The following POT1 variants were observed in gnomAD, a reference collection of about 807,000 sequenced individuals.
POT1 encodes the protein protection of telomeres protein 1.
A neutral mutation model predicts 78.5 loss-of-function variants in POT1; 47 were observed. That is an observed-to-expected ratio of 0.60 (90% CI 0.47 to 0.76). The LOEUF is 0.76. Among genes scored for constraint, POT1 ranks in the 30% least tolerant of loss-of-function variants. The pLI, the probability that POT1 is intolerant of heterozygous loss-of-function variation, is 0.00. For missense variants in POT1, 646 were observed against 749.9 expected (o/e 0.86, Z 1.62); for synonymous variants, 259 against 260.7 (o/e 0.99, Z 0.06).
intron 3 of POT1, among the ~76,000 whole-genome samples, chr7:124,905,655 G>C (rs1796747284): frequency 6.6e-6 from 1 of 152,072 alleles, no homozygotes; most frequent in African/African-American, 2.4e-5. Flanking sequence ...TTAAACTAAA[G>C]AGCTTCTGCA....
chr7:124,888,069 C>G (rs1011863753), intron 6 of POT1, among the ~76,000 whole-genome samples: 1 of 152,066 alleles, frequency 6.6e-6, no homozygotes, highest in Non-Finnish European at 1.5e-5. Context: ...GCCAGGAAAC[C>G]TTTCCCCTGT....
intron 12 of POT1, among the ~76,000 whole-genome samples, chr7:124,846,447 T>A (rs76654909): frequency 0.017 from 2,587 of 152,250 alleles, 70 homozygotes; most frequent in African/African-American, 0.059. Context: ...TTTTTTTTAA[T>A]CTTAGCTGAT....
At chr7:124,825,821 G>A (rs1794617677) in intron 17 of POT1, among the ~76,000 whole-genome samples, 1 of 152,120 alleles carries the variant, frequency 6.6e-6, no homozygotes, top group Non-Finnish European at 1.5e-5. Context: ...CTAGTACATA[G>A]CAGGTGCTCA....
chr7:124,897,233 A>T, intron 4 of POT1, 21 bp from the exon 5 acceptor site: 1 of 1,200,576 alleles, frequency 8.3e-7, no homozygotes, highest in Non-Finnish European at 1.2e-6. Context: ...AAAAGAAAGA[A>T]CTTATTTGTA....
At position 124,823,854 on chromosome 7, in the gene POT1, C is replaced by T. The variant is rs1317095432; in HGVS notation, c.*108G>A. ...TAAGGACATTTTCTAATCCCATACCCATGCTAACATCATCAACATTGCTGA... is the reference window on the plus strand; with the variant it reads ...TAAGGACATTTTCTAATCCCATACCTATGCTAACATCATCAACATTGCTGA... On this transcript the variant is annotated 3_prime_UTR_variant, in exon 19 of 19. Transcript: ENST00000357628. 1 of 717,700 alleles carries T rather than the reference C, an allele frequency of 1.4e-6. No individual in the cohort carries two copies. The highest frequency in any genetic ancestry group is 1.8e-5 in the African/African-American group (1 of 55,558). 44.5% of individuals were successfully genotyped at this position (717,700 alleles called of 1,614,324 possible).
chr7:124,842,827 A>G lies in POT1; in HGVS notation c.1143T>C (p.His381=). ...CTCACAGCAAATGACATTTAGGGCA[A>G]TGAAGTTTAACAGACTGAAATAGTC... is the stretch of plus-strand genomic sequence containing the variant. ...PRRLFQSVKL[H]CPKCHLLQEV... is the part of the protein sequence containing the mutation. Residue 381 remains histidine, a synonymous_variant, in exon 13 of 19, where the codon CAT becomes CAC. Coordinates refer to ENST00000357628, the MANE Select transcript of POT1 (RefSeq NM_015450.3). The G allele has an allele frequency of 6.3e-7, 1 of 1,598,888 alleles. No individual in the cohort carries two copies.
At chr7:124,828,565 A>G (rs1235237787) in intron 16 of POT1, among the ~76,000 whole-genome samples, 1 of 152,190 alleles carries the variant, frequency 6.6e-6, no homozygotes, top group Non-Finnish European at 1.5e-5. Flanking sequence ...TTAGGCTTCA[A>G]AAGGTCTCAA....
At chr7:124,845,581 G>A (rs144050857) in intron 12 of POT1, among the ~76,000 whole-genome samples, 104 of 152,174 alleles carry the variant, frequency 6.8e-4, no homozygotes, top group African/African-American at 2.4e-3. Context: ...AAAACTTACT[G>A]TTTCCCCCTT....
At chr7:124,844,732 C>CAAAA (rs33956452) in intron 12 of POT1, among the ~76,000 whole-genome samples, 1 of 62,882 alleles carries the variant, frequency 1.6e-5, no homozygotes, top group African/African-American at 6.4e-5. Context: ...GACTCCGCCT[C>CAAAA]AAAAAAAAAA....
intron 6 of POT1, among the ~76,000 whole-genome samples, chr7:124,878,225 A>T (rs1796036295): frequency 6.6e-6 from 1 of 151,838 alleles, no homozygotes; most frequent in South Asian, 2.1e-4. Flanking sequence ...CCAGCTATTC[A>T]GGAGGCTGAG....
intron 2 of POT1, among the ~76,000 whole-genome samples, chr7:124,916,358 T>C (rs1212959092): frequency 6.6e-6 from 1 of 152,074 alleles, no homozygotes; most frequent in Non-Finnish European, 1.5e-5. Context: ...AAAGCATGAT[T>C]CATAGTCAAA....
At chr7:124,854,203 G>A (rs1476132197) in intron 9 of POT1, among the ~76,000 whole-genome samples, 1 of 152,042 alleles carries the variant, frequency 6.6e-6, no homozygotes, top group South Asian at 2.1e-4. Context: ...CTATCTTAGA[G>A]ATGAGACCCA....
chr7:124,831,020 G>C (rs1794746636), intron 15 of POT1, among the ~76,000 whole-genome samples: 1 of 152,172 alleles, frequency 6.6e-6, no homozygotes, highest in African/African-American at 2.4e-5. Flanking sequence ...GGAATTCATA[G>C]AGTAGGAAAC....
Position 124,835,403 on chromosome 7 carries a change from TGA to T in POT1, c.1379_1380del (p.Leu460GlnfsTer2), listed in dbSNP as rs2116444583. ...TTGTTCGAGAGTTTGCAAATTTCAC[TGA>T]GTGTACCTCCTGTTAAGAGAATAAA... ...ECLLLIEGGT[L>X]SEICKLSNKF... On this transcript the variant is annotated frameshift_variant, in exon 15 of 19. Transcript: ENST00000357628. LOFTEE classifies it high-confidence loss of function. 1 of 1,611,674 alleles carries T rather than the reference TGA, an allele frequency of 6.2e-7. No individual in the cohort carries two copies. The highest frequency in any genetic ancestry group is 8.5e-7 in the Non-Finnish European group (1 of 1,177,806).
intron 17 of POT1, among the ~76,000 whole-genome samples, chr7:124,825,571 A>G (rs1405145417): frequency 1.8e-4 from 28 of 152,130 alleles, no homozygotes; most frequent in Admixed American, 1.8e-3. Context: ...ACACGTAATC[A>G]AGTAAATTGC....
intron 6 of POT1, among the ~76,000 whole-genome samples, chr7:124,881,102 G>A (rs747994864): frequency 2.6e-5 from 4 of 151,978 alleles, no homozygotes; most frequent in Non-Finnish European, 4.4e-5. Context: ...CGTTCTAAGA[G>A]ATGTGTAGTT....
At chr7:124,894,188 G>GT (rs2116634689) in intron 5 of POT1, among the ~76,000 whole-genome samples, 1 of 151,414 alleles carries the variant, frequency 6.6e-6, no homozygotes, top group Admixed American at 6.6e-5. Context: ...TTCCAAGGAG[G>GT]CTTCTCAGTT....
chr7:124,900,759 C>T (rs1796598646), intron 3 of POT1: 1 of 282,688 alleles, frequency 3.5e-6, no homozygotes, highest in Non-Finnish European at 7.7e-6. Flanking sequence ...CAAGGGAAGC[C>T]ATGACGGTCA....
chr7:124,850,922 C>T (rs1349562607), intron 11 of POT1, among the ~76,000 whole-genome samples: 2 of 146,816 alleles, frequency 1.4e-5, no homozygotes, highest in Non-Finnish European at 3.0e-5. Flanking sequence ...AAAAAAACAA[C>T]AACAACAGAG....
Sources: allele counts gnomAD v4.1 joint callset (sites outside exome capture counted in the v4.1 genomes callset), GRCh38; gene constraint gnomAD v4.1.1; transcripts MANE v1.5; gene names NCBI Gene and HGNC (gene_info 2026-07-23, HGNC 2026-07-21).